Variants in TIAM1 observed in about 807,000 individuals in gnomAD.
TIAM1 encodes rho guanine nucleotide exchange factor TIAM1.
Under a neutral mutation model 163.5 loss-of-function variants are expected in TIAM1, and 65 were observed. That is an observed-to-expected ratio of 0.40 (90% CI 0.33 to 0.49). The LOEUF is 0.49. Ranked by LOEUF, TIAM1 falls within the 20% of genes least tolerant of loss-of-function variation. The probability of loss-of-function intolerance (pLI) is 0.77; values close to 1 mark genes in which losing one functional copy is unlikely to be tolerated. For synonymous variants in TIAM1, 833 were observed against 810.1 expected, an observed-to-expected ratio of 1.03 and a Z score of -0.48; for missense variants, 1,789 against 2,044.7, an observed-to-expected ratio of 0.87 and a Z score of 2.41.
intron 12 of TIAM1, among the ~76,000 whole-genome samples, chr21:31,202,517 G>A: frequency 6.6e-6 from 1 of 152,170 alleles, no homozygotes; most frequent in East Asian, 1.9e-4. Flanking sequence ...GGTGAGCTAT[G>A]ATCACACCAC....
intron 5 of TIAM1, among the ~76,000 whole-genome samples, chr21:31,246,540 G>A (rs143108394): frequency 1.3e-3 from 194 of 151,438 alleles, no homozygotes; most frequent in African/African-American, 4.5e-3. Flanking sequence ...AACATAAGCT[G>A]TCCGTCCATT....
chr21:31,400,393 G>A (rs917909392), intron 2 of TIAM1, among the ~76,000 whole-genome samples: 5 of 152,248 alleles, frequency 3.3e-5, no homozygotes, highest in Admixed American at 6.5e-5. Context: ...GCCTCTCAAA[G>A]TGCTGGGATT....
At chr21:31,382,438 A>G (rs926390529) in intron 2 of TIAM1, among the ~76,000 whole-genome samples, 20 of 152,196 alleles carry the variant, frequency 1.3e-4, no homozygotes, top group Admixed American at 7.2e-4. Context: ...TCAATTTCCA[A>G]TTTCCACATT....
intron 2 of TIAM1, among the ~76,000 whole-genome samples, chr21:31,337,317 G>A (rs932151530): frequency 1.3e-5 from 2 of 151,842 alleles, no homozygotes; most frequent in Non-Finnish European, 2.9e-5. Context: ...GGATGCCCTG[G>A]GGGTATAGAG....
At chr21:31,557,419 T>C (rs913788829) in intron 1 of TIAM1, among the ~76,000 whole-genome samples, 2 of 152,186 alleles carry the variant, frequency 1.3e-5, no homozygotes, top group African/African-American at 2.4e-5. Flanking sequence ...GGTTAATCTA[T>C]ATGGTCGTTT....
chr21:31,235,096 G>A (rs2088673352), intron 6 of TIAM1, among the ~76,000 whole-genome samples: 1 of 152,182 alleles, frequency 6.6e-6, no homozygotes, highest in South Asian at 2.1e-4. Flanking sequence ...TACAGAGGCT[G>A]TTGTACATGA....
intron 1 of TIAM1, among the ~76,000 whole-genome samples, chr21:31,472,397 C>T (rs929040848): frequency 6.6e-6 from 1 of 152,064 alleles, no homozygotes; most frequent in Non-Finnish European, 1.5e-5. Context: ...TGTGGTAGCA[C>T]ATGCCTGTAG....
At chr21:31,325,778 C>A (rs2075467366) in intron 2 of TIAM1, among the ~76,000 whole-genome samples, 1 of 152,000 alleles carries the variant, frequency 6.6e-6, no homozygotes, top group African/African-American at 2.4e-5. Flanking sequence ...AGTCAAAAAG[C>A]TGGAAAGAAA....
intron 16 of TIAM1, among the ~76,000 whole-genome samples, chr21:31,156,910 T>G (rs1042976150): frequency 6.6e-6 from 1 of 152,216 alleles, no homozygotes. Flanking sequence ...TTTCTAAAGC[T>G]TCCAACAGTA....
intron 2 of TIAM1, among the ~76,000 whole-genome samples, chr21:31,316,844 C>A (rs142849613): frequency 6.6e-6 from 1 of 152,234 alleles, no homozygotes; most frequent in East Asian, 1.9e-4. Flanking sequence ...GTTGGACCAC[C>A]GTGGATCGTG....
At chr21:31,483,703 C>T (rs1602390295) in intron 1 of TIAM1, among the ~76,000 whole-genome samples, 1 of 152,106 alleles carries the variant, frequency 6.6e-6, no homozygotes, top group East Asian at 1.9e-4. Flanking sequence ...AGAGGCACTG[C>T]TTCATGACAG....
intron 1 of TIAM1, among the ~76,000 whole-genome samples, chr21:31,476,145 G>A (rs941605523): frequency 1.4e-4 from 21 of 152,176 alleles, no homozygotes; most frequent in Admixed American, 1.1e-3. Context: ...TTGGCAGGGC[G>A]ATTTATTTTT....
chr21:31,292,645 C>T (rs2074069919), intron 2 of TIAM1, among the ~76,000 whole-genome samples: 1 of 150,916 alleles, frequency 6.6e-6, no homozygotes, highest in Non-Finnish European at 1.5e-5. Context: ...GCTGGGATTA[C>T]AGGCATGAGC....
At chr21:31,505,716 GC>G (rs910001204) in intron 1 of TIAM1, among the ~76,000 whole-genome samples, 28 of 152,272 alleles carry the variant, frequency 1.8e-4, no homozygotes, top group Admixed American at 1.6e-3. Context: ...AAAAGCTGAT[GC>G]CAGGCCGGGC....
At chr21:31,337,401 A>C (rs1035974416) in intron 2 of TIAM1, among the ~76,000 whole-genome samples, 1 of 152,098 alleles carries the variant, frequency 6.6e-6, no homozygotes, top group Non-Finnish European at 1.5e-5. Context: ...GAGCGAAAGC[A>C]CTCAGGGAGA....
At chr21:31,407,179 G>C (rs1159388781) in intron 2 of TIAM1, among the ~76,000 whole-genome samples, 1 of 152,146 alleles carries the variant, frequency 6.6e-6, no homozygotes, top group African/African-American at 2.4e-5. Context: ...CTAATGCATG[G>C]TTTTCAAGTC....
chr21:31,346,141 G>A (rs1242974007), upstream of TIAM1, among the ~76,000 whole-genome samples: 1 of 151,894 alleles, frequency 6.6e-6, no homozygotes, highest in Non-Finnish European at 1.5e-5. Flanking sequence ...ATCCTATCAT[G>A]CATATAACAG....
chr21:31,461,276 G>A (rs967497043), intron 2 of TIAM1, among the ~76,000 whole-genome samples: 7 of 152,108 alleles, frequency 4.6e-5, no homozygotes, highest in African/African-American at 9.7e-5. Flanking sequence ...TGGAGGTCAG[G>A]AGTTCGAAAT....
chr21:31,234,355 G>A (rs2088620622), intron 6 of TIAM1, among the ~76,000 whole-genome samples: 2 of 134,426 alleles, frequency 1.5e-5, no homozygotes, highest in African/African-American at 6.3e-5. Flanking sequence ...AGGGAGAGAG[G>A]AGGTGGGGAA....
Sources: allele counts gnomAD v4.1 joint callset (sites outside exome capture counted in the v4.1 genomes callset), GRCh38; gene constraint gnomAD v4.1.1; transcripts MANE v1.5; gene names NCBI Gene and HGNC (gene_info 2026-07-23, HGNC 2026-07-21).